The following PVT1 variants were observed in gnomAD, a reference collection of about 807,000 sequenced individuals.
The protein encoded by PVT1 is CXCR4/PVT1 fusion.
intron 5 of PVT1, among the ~76,000 whole-genome samples, chr8:128,093,916 G>C (rs78385839): frequency 2.0e-5 from 3 of 152,194 alleles, no homozygotes; most frequent in Non-Finnish European, 4.4e-5. Context: ...GATTACAGGC[G>C]TGAGCCACCG....
At chr8:127,830,086 C>T (rs1032224247) in intron 2 of PVT1, among the ~76,000 whole-genome samples, 2 of 152,218 alleles carry the variant, frequency 1.3e-5, no homozygotes, top group African/African-American at 4.8e-5. Context: ...CTTTACTTAA[C>T]TAATTACCTG....
chr8:127,984,853 CTTT>C (rs1227519256), intron 3 of PVT1, among the ~76,000 whole-genome samples: 382 of 30,458 alleles, frequency 0.013, 8 homozygotes, highest in African/African-American at 0.03. Context: ...TTCTTTCTTT[CTTT>C]CTTTCTTTCT....
chr8:128,036,546 G>A lies in PVT1; in HGVS notation n.913-33614G>A, dbSNP rs117221191. 6.2e-4 allele frequency among the ~76,000 whole-genome samples: 94 copies of A among 151,724 alleles called. No individual in the cohort carries two copies. The East Asian group carries it at 0.011, about 17-fold the overall frequency. On this transcript the variant is annotated intron_variant and non_coding_transcript_variant, in intron 4 of 10. Coordinates refer to ENST00000651587, the Ensembl canonical transcript of PVT1. ...GAGGCAGGGGTGCCCGAGACCCAGC[G>A]CTTCTGGGGGGCTGGGCACTGTGCT...
At chr8:127,846,657 G>A (rs1815037732) in intron 2 of PVT1, among the ~76,000 whole-genome samples, 1 of 152,062 alleles carries the variant, frequency 6.6e-6, no homozygotes, top group South Asian at 2.1e-4. Context: ...ACAATATAAA[G>A]ACAGCTCACA....
At chr8:128,041,407 A>ATGTG (rs542751620) in intron 4 of PVT1, among the ~76,000 whole-genome samples, 4,191 of 136,468 alleles carry the variant, frequency 0.031, 180 homozygotes, top group African/African-American at 0.1. Context: ...GTTTGTGTGC[A>ATGTG]TGTGTGTTTG....
chr8:127,932,497 C>T (rs1202448575), intron 3 of PVT1: 3 of 398,406 alleles, frequency 7.5e-6, no homozygotes, highest in Non-Finnish European at 1.3e-5. Flanking sequence ...GGAAATCAGC[C>T]CCGTTTATTC....
chr8:128,015,688 G>C (rs1429883309), intron 4 of PVT1, among the ~76,000 whole-genome samples: 2 of 149,676 alleles, frequency 1.3e-5, no homozygotes, highest in Non-Finnish European at 3.0e-5. Flanking sequence ...CAGGAGAATC[G>C]CTTGAACCTG....
chr8:127,940,553 G>A, intron 3 of PVT1: 1 of 148,368 alleles, frequency 6.7e-6, no homozygotes, highest in Non-Finnish European at 1.5e-5. Flanking sequence ...CACAAATTTA[G>A]CATTTATATA....
rs191443721 is a variant in PVT1, at chr8:127,864,188, G to A, written n.373-26401G>A. Among the ~76,000 whole-genome samples the A allele has an allele frequency of 1.6e-4, 25 of 152,278 alleles. No individual in the cohort carries two copies. In the East Asian group the frequency reaches 3.7e-3, roughly 22 times the overall value. On this transcript the variant is annotated intron_variant and non_coding_transcript_variant, in intron 2 of 10. Transcript: ENST00000651587. ...GGGTGGGGCAGGAAAGAAAGGTTAC[G>A]TGGGGTGAAGGGGTCAGGTCAATTC...
chr8:127,974,591 T>G (rs992291746), intron 3 of PVT1, among the ~76,000 whole-genome samples: 1 of 150,832 alleles, frequency 6.6e-6, no homozygotes, highest in African/African-American at 2.5e-5. Flanking sequence ...ACTTTTGTAT[T>G]TTTTAGTAGA....
At chr8:127,928,334 C>CT (rs386413972) in intron 3 of PVT1, among the ~76,000 whole-genome samples, 2 of 152,112 alleles carry the variant, frequency 1.3e-5, no homozygotes, top group Non-Finnish European at 2.9e-5. Context: ...CTCTGACCCC[C>CT]ACCCTGCTTC....
chr8:128,078,910 C>A (rs183290117), intron 5 of PVT1, among the ~76,000 whole-genome samples: 1 of 152,096 alleles, frequency 6.6e-6, no homozygotes, highest in Non-Finnish European at 1.5e-5. Flanking sequence ...CTCAGCACCC[C>A]CCGAGTAGCT....
At chr8:127,832,161 C>T (rs989370038) in intron 2 of PVT1, among the ~76,000 whole-genome samples, 11 of 152,258 alleles carry the variant, frequency 7.2e-5, no homozygotes, top group Admixed American at 2.0e-4. Flanking sequence ...CCCATCTCGG[C>T]ATACATCCCA....
intron 2 of PVT1, among the ~76,000 whole-genome samples, chr8:127,824,440 G>C (rs1307876857): frequency 6.6e-6 from 1 of 152,044 alleles, no homozygotes; most frequent in Non-Finnish European, 1.5e-5. Flanking sequence ...TTACAGACAC[G>C]AGCCACCACT....
chr8:127,960,161 T>C (rs1816622393), intron 3 of PVT1, among the ~76,000 whole-genome samples: 1 of 152,228 alleles, frequency 6.6e-6, no homozygotes, highest in Non-Finnish European at 1.5e-5. Flanking sequence ...TCATTCAACA[T>C]GTCCAGTACA....
chr8:127,860,977 C>T (rs1362227084), intron 2 of PVT1, among the ~76,000 whole-genome samples: 4 of 152,072 alleles, frequency 2.6e-5, no homozygotes, highest in African/African-American at 9.7e-5. Context: ...CTTGGGATGC[C>T]ACTGTGGACG....
chr8:127,976,257 C>T (rs1816821851), intron 3 of PVT1, among the ~76,000 whole-genome samples: 1 of 152,192 alleles, frequency 6.6e-6, no homozygotes, highest in East Asian at 1.9e-4. Flanking sequence ...AGATTCAGGG[C>T]CAGCAGCTGC....
chr8:128,009,209 A>G (rs1817283222), intron 4 of PVT1, among the ~76,000 whole-genome samples: 1 of 152,226 alleles, frequency 6.6e-6, no homozygotes, highest in African/African-American at 2.4e-5. Flanking sequence ...CAACAAAAGT[A>G]ATCATATTCT....
chr8:127,964,686 G>A (rs867183631), intron 3 of PVT1, among the ~76,000 whole-genome samples: 9 of 152,222 alleles, frequency 5.9e-5, no homozygotes, highest in African/African-American at 2.2e-4. Flanking sequence ...GATGTTGCTC[G>A]GCTTGTGGCA....
Sources: allele counts gnomAD v4.1 joint callset (sites outside exome capture counted in the v4.1 genomes callset), GRCh38; gene constraint gnomAD v4.1.1; transcripts MANE v1.5; gene names NCBI Gene and HGNC (gene_info 2026-07-23, HGNC 2026-07-21).